The following POTEH variants were observed in gnomAD, a reference collection of about 807,000 sequenced individuals.
The protein encoded by POTEH is POTE ankyrin domain family member H.
In POTEH, 6 loss-of-function variants were observed where a neutral mutation model predicts 41.7. The observed-to-expected ratio is 0.14, with a 90% confidence interval of 0.08 to 0.28. POTEH has a LOEUF of 0.28. Ranked by LOEUF, POTEH falls within the 10% of genes least tolerant of loss-of-function variation. The pLI, the probability that POTEH is intolerant of heterozygous loss-of-function variation, is 1.00. For synonymous variants in POTEH, 38 were observed against 179.9 expected (o/e 0.21, Z 6.31); for missense variants, 115 against 533.5 (o/e 0.22, Z 7.73).
intron 1 of POTEH, among the ~76,000 whole-genome samples, chr22:15,690,976 G>C (rs552895030): frequency 1.5e-5 from 2 of 131,496 alleles, no homozygotes; most frequent in African/African-American, 5.4e-5. Context: ...CAACGTTGTC[G>C]ATGCAGCAGA....
At position 15,690,432 on chromosome 22, in the gene POTEH, A is replaced by T. The variant is rs1164852101; in HGVS notation, c.355A>T (p.Thr119Ser). 1 of 1,368,520 alleles carries T rather than the reference A, an allele frequency of 7.3e-7. No homozygotes were observed. Among genetic ancestry groups the T allele is most frequent in the African/African-American group, 1.7e-5 (1 of 58,300 alleles). 84.8% of individuals were successfully genotyped at this position (1,368,520 alleles called of 1,614,324 possible). The change falls in exon 1 of 11, where the codon ACT becomes TCT. Residue 119 changes from threonine (T) to serine (S), a missense_variant. By Grantham distance (58) the Thr-to-Ser change is moderately conservative. Transcript: ENST00000343518. ...GGGGAGCGGCAAGAGCAACGTGGGCACTTCTGGAGACCACGACGACTCTGC... is the reference window on the plus strand; with the variant it reads ...GGGGAGCGGCAAGAGCAACGTGGGCTCTTCTGGAGACCACGACGACTCTGC... ...CRGSGKSNVG[T>S]SGDHDDSAMK...
intron 3 of POTEH, among the ~76,000 whole-genome samples, chr22:15,698,324 C>T (rs1989476324): frequency 1.5e-5 from 2 of 137,238 alleles, no homozygotes; most frequent in African/African-American, 5.7e-5. Context: ...AAAGATACAG[C>T]CCCTGCCCTC....
intron 1 of POTEH, among the ~76,000 whole-genome samples, chr22:15,692,809 C>T (rs1989357063): frequency 7.8e-6 from 1 of 128,274 alleles, no homozygotes; most frequent in African/African-American, 2.8e-5. Context: ...GGATGAATAA[C>T]AGTGGTACTT....
chr22:15,693,052 T>C (rs1989364142), intron 1 of POTEH, among the ~76,000 whole-genome samples: 3 of 126,556 alleles, frequency 2.4e-5, no homozygotes, highest in African/African-American at 8.5e-5. Context: ...CGGAATAATA[T>C]GTAACTATTG....
chr22:15,690,784 G>A, intron 1 of POTEH, 75 bp downstream of exon 1: 2 of 1,387,826 alleles, frequency 1.4e-6, no homozygotes, highest in South Asian at 2.4e-5. Context: ...CGGGGAGGAG[G>A]GGAGCCTGGT....
rs1464578497 is a variant in POTEH at position 15,691,543 on chromosome 22, A to C, written c.632+834A>C. Among the ~76,000 whole-genome samples the C allele has an allele frequency of 8.0e-5, 11 of 138,178 alleles. No homozygotes were observed. The East Asian group carries it at 2.2e-3, about 28-fold the overall frequency. 90.7% of individuals were successfully genotyped at this position (138,178 alleles called of 152,430 possible). ...TCCGTCTCAAAAAAAAAAAAAAAAA[A>C]AAGTGAGCTTTTTCTATTTATCACT... On this transcript the variant is annotated intron_variant, in intron 1 of 10. Coordinates refer to ENST00000343518, the MANE Select transcript of POTEH (RefSeq NM_001136213.1).
intron 1 of POTEH, among the ~76,000 whole-genome samples, chr22:15,694,896 CACTT>C (rs1292254048): frequency 4.6e-4 from 30 of 65,704 alleles, no homozygotes; most frequent in African/African-American, 1.3e-3. Flanking sequence ...TGTATCATCT[CACTT>C]AATTCAAATG....
intron 9 of POTEH, among the ~76,000 whole-genome samples, chr22:15,718,174 T>TA (rs1170909815): frequency 2.0e-5 from 1 of 48,980 alleles, no homozygotes; most frequent in African/African-American, 8.4e-5. Flanking sequence ...TGAAGTCAGG[T>TA]AACGTGATGC....
intron 8 of POTEH, among the ~76,000 whole-genome samples, chr22:15,710,324 A>G (rs1989783563): frequency 6.6e-6 from 1 of 152,134 alleles, no homozygotes; most frequent in Admixed American, 6.5e-5. Flanking sequence ...TGTTTTTGAT[A>G]TCCTAGGAAC....
intron 4 of POTEH, 192 bp from the exon 5 acceptor site, chr22:15,699,886 T>A: frequency 8.9e-6 from 12 of 1,348,322 alleles, no homozygotes; most frequent in Non-Finnish European, 1.2e-5. Flanking sequence ...GAGGGTTTTT[T>A]TTTTTTTGTC....
At chr22:15,711,386 T>C (rs1167913971) in intron 9 of POTEH, among the ~76,000 whole-genome samples, 1 of 151,890 alleles carries the variant, frequency 6.6e-6, no homozygotes, top group African/African-American at 2.4e-5. Context: ...AGTTTTTTGG[T>C]CGTCTCCCTC....
intron 9 of POTEH, among the ~76,000 whole-genome samples, chr22:15,712,915 A>G (rs1989849883): frequency 6.7e-6 from 1 of 148,760 alleles, no homozygotes; most frequent in Non-Finnish European, 1.5e-5. Flanking sequence ...TATGTGATCT[A>G]GAAATGTTCT....
chr22:15,714,463 T>G (rs1490395632), intron 9 of POTEH, among the ~76,000 whole-genome samples: 1 of 151,978 alleles, frequency 6.6e-6, no homozygotes, highest in African/African-American at 2.4e-5. Context: ...GTTTCTTATC[T>G]CTTTTGCTCT....
intron 9 of POTEH, among the ~76,000 whole-genome samples, chr22:15,714,245 G>A (rs866576793): frequency 4.7e-4 from 72 of 152,056 alleles, no homozygotes; most frequent in African/African-American, 1.7e-3. Context: ...CATAGACTGG[G>A]AATTGATAGT....
intron 4 of POTEH, 135 bp from the exon 5 acceptor site, chr22:15,699,943 C>A (rs1989531897): frequency 6.9e-7 from 1 of 1,451,050 alleles, no homozygotes; most frequent in Non-Finnish European, 9.2e-7. Context: ...AACACTTGAG[C>A]ACTGAAGATG....
intron 1 of POTEH, among the ~76,000 whole-genome samples, chr22:15,691,498 C>T (rs150703810): frequency 1.7e-5 from 2 of 115,342 alleles, no homozygotes; most frequent in African/African-American, 6.4e-5. Flanking sequence ...TGTAGTAGAG[C>T]CTGGGAGACA....
chr22:15,717,809 T>G (rs1306576753), intron 9 of POTEH, among the ~76,000 whole-genome samples: 2 of 152,240 alleles, frequency 1.3e-5, no homozygotes, highest in African/African-American at 4.8e-5. Context: ...TAATTAGGTC[T>G]TATTTATTTT....
At chr22:15,720,971 CT>C (rs1358363759) in intron 10 of POTEH, among the ~76,000 whole-genome samples, 1 of 143,008 alleles carries the variant, frequency 7.0e-6, no homozygotes, top group Non-Finnish European at 1.5e-5. Context: ...CAGAGAAAGG[CT>C]TTTTTAATTC....
chr22:15,719,371 T>C (rs1299298188), intron 9 of POTEH, among the ~76,000 whole-genome samples: 1 of 152,298 alleles, frequency 6.6e-6, no homozygotes, highest in Non-Finnish European at 1.5e-5. Flanking sequence ...AATTATTTCA[T>C]TATATATTAA....
Sources: allele counts gnomAD v4.1 joint callset (sites outside exome capture counted in the v4.1 genomes callset), GRCh38; gene constraint gnomAD v4.1.1; transcripts MANE v1.5; gene names NCBI Gene and HGNC (gene_info 2026-07-23, HGNC 2026-07-21).